DIP2A: variants seen among roughly 807,000 people sequenced by gnomAD.
DIP2A encodes disco-interacting protein 2 homolog A.
A neutral mutation model predicts 177.4 loss-of-function variants in DIP2A; 85 were observed. That is an observed-to-expected ratio of 0.48 (90% confidence interval 0.40 to 0.57). The LOEUF (loss-of-function observed/expected upper bound fraction) is 0.57, where lower values mean the gene tolerates loss of function less well. Ranked by LOEUF, DIP2A falls within the 20% of genes least tolerant of loss-of-function variation. The pLI is 0.00. For missense variants in DIP2A, 1,791 were observed against 2,100.2 expected (o/e 0.85, Z 2.88); for synonymous variants, 886 against 881.8 (o/e 1.00, Z -0.08).
rs1162872343 is a variant in DIP2A at position 46,528,527 on chromosome 21, C to CTTTT, written c.1103-527_1103-524dup. On this transcript the variant is annotated intron_variant, in intron 8 of 37. Transcript: ENST00000417564. ...ACCAAATACTGACTTTTTCTGCTTG[C>CTTTT]TTTTTTTTTTTTTTTTTTTTTTTTT... Among the ~76,000 whole-genome samples, 49 of 29,350 alleles carry CTTTT rather than the reference C, an allele frequency of 1.7e-3. 2 individuals are homozygous for CTTTT. The highest frequency in any genetic ancestry group is 3.1e-3 in the East Asian group (2 of 638). 19.3% of individuals were successfully genotyped at this position (29,350 alleles called of 152,430 possible).
Position 46,490,659 on chromosome 21 carries a change from G to C in DIP2A, c.223G>C (p.Ala75Pro), listed in dbSNP as rs367792687. The C allele has an allele frequency of 2.5e-6, 4 of 1,589,796 alleles. No homozygotes were observed. Among genetic ancestry groups the C allele is most frequent in the Non-Finnish European group, 3.4e-6 (4 of 1,168,140 alleles). ...RIPGPSQTTA[A>P]APKQQKSRPT... is the part of the protein sequence containing the mutation. ...TCCTGGGCCCTCACAAACCACGGCC[G>C]CTGCACCCAAGCAGCAGAAGTCTCG... is the stretch of plus-strand genomic sequence containing the variant. The change falls in exon 3 of 38, where the codon GCT becomes CCT. Residue 75 changes from alanine to proline, a missense_variant. Ala to Pro is a conservative substitution (Grantham distance 27, BLOSUM62 -1). Transcript: ENST00000417564.
Position 46,466,718 on chromosome 21 carries a change from A to T in DIP2A, c.91+7496A>T, listed in dbSNP as rs564832118. On this transcript the variant is annotated intron_variant, in intron 1 of 37. Coordinates refer to ENST00000417564, the MANE Select transcript of DIP2A (RefSeq NM_015151.4). The stretch of plus-strand genomic sequence containing the variant: ...GTATCAAGGAAGAATGTCCACAGTG[A>T]TCTGAAAAGGCTGCTGAGACACCCC... Among the ~76,000 whole-genome samples the T allele has an allele frequency of 1.2e-4, 18 of 151,944 alleles. 1 individual carries two copies. In the East Asian group the frequency reaches 3.5e-3, roughly 29 times the overall value.
intron 32 of DIP2A, 118 bp downstream of exon 32, chr21:46,558,511 C>T (rs2060553221): frequency 4.2e-6 from 4 of 959,790 alleles, no homozygotes; most frequent in Non-Finnish European, 6.3e-6. Flanking sequence ...TTCTCTGGGC[C>T]TTTGATATCT....
intron 10 of DIP2A, 133 bp downstream of exon 10, chr21:46,532,370 A>G (rs769350208): frequency 2.4e-5 from 17 of 710,224 alleles, no homozygotes; most frequent in Non-Finnish European, 3.5e-5. Flanking sequence ...CTAGTAGTCA[A>G]CAGGCTGGCC....
At chr21:46,565,618 T>C (rs2060811961) in intron 35 of DIP2A, 95 bp from the exon 36 acceptor site, 1 of 1,301,730 alleles carries the variant, frequency 7.7e-7, no homozygotes. Flanking sequence ...TTCAGTGTTT[T>C]CTGGAGCATT....
chr21:46,489,540 G>A (rs953545409), intron 2 of DIP2A, among the ~76,000 whole-genome samples: 3 of 152,136 alleles, frequency 2.0e-5, no homozygotes, highest in Admixed American at 6.5e-5. Context: ...AGGTAGAGCC[G>A]TGTCGCCTTT....
At chr21:46,551,023 C>CT (rs1247089407) in intron 23 of DIP2A, among the ~76,000 whole-genome samples, 1 of 152,194 alleles carries the variant, frequency 6.6e-6, no homozygotes, top group African/African-American at 2.4e-5. Context: ...GGCATCTTAG[C>CT]TTTGCATGGC....
chr21:46,546,005 A>AG (rs746748740), intron 20 of DIP2A, 44 bp downstream of exon 20: 28 of 1,613,442 alleles, frequency 1.7e-5, no homozygotes, highest in Non-Finnish European at 2.3e-5. Context: ...CAGAGAAGGT[A>AG]GGGGGTGTGG....
chr21:46,549,601 G>A (rs572663734), intron 21 of DIP2A, among the ~76,000 whole-genome samples, 170 bp from the exon 22 acceptor site: 2 of 152,082 alleles, frequency 1.3e-5, no homozygotes, highest in Non-Finnish European at 2.9e-5. Flanking sequence ...AACCATCCTC[G>A]AGGAGATTAG....
rs553447348 is a variant in DIP2A, at chr21:46,494,193, G to A, written c.284-2795G>A. Reference sequence around the variant, plus strand: ...GGCTTCTAAGGAACAAGTTTATTTGGACCCAGGATTCAAATAAGAGCTACA... The same window carrying A: ...GGCTTCTAAGGAACAAGTTTATTTGAACCCAGGATTCAAATAAGAGCTACA... On this transcript the variant is annotated intron_variant, in intron 3 of 37. Transcript: ENST00000417564. 5.9e-5 allele frequency among the ~76,000 whole-genome samples: 9 copies of A among 152,112 alleles called. No individual in the cohort carries two copies. The South Asian group carries it at 1.9e-3, about 32-fold the overall frequency.
In DIP2A at chr21:46,509,309, C is replaced by T. The variant is rs764648249; in HGVS notation, c.837C>T (p.Thr279=). The T allele has an allele frequency of 6.2e-7, 1 of 1,613,630 alleles. No homozygotes were observed. Among genetic ancestry groups the T allele is most frequent in the Non-Finnish European group, 8.5e-7 (1 of 1,179,726 alleles). The change falls in exon 7 of 38, where the codon ACC becomes ACT. Residue 279 remains threonine (T), a synonymous_variant. Transcript: ENST00000417564. The part of the protein sequence containing the change: ...VSSKIQQLLN[T]LKRPKRPPLK... ...CCAAAATCCAGCAGCTTCTGAACAC[C>T]CTGAAGAGGCCAAAGCGCCCTCCAC... is the stretch of plus-strand genomic sequence containing the variant.
At chr21:46,574,590 AAGAC>A (rs1212244579), downstream of DIP2A, among the ~76,000 whole-genome samples, 1 of 152,140 alleles carries the variant, frequency 6.6e-6, no homozygotes, top group Non-Finnish European at 1.5e-5. Context: ...AGAAAAAAAG[AAGAC>A]AGATTACTAA....
intron 8 of DIP2A, among the ~76,000 whole-genome samples, chr21:46,516,416 TTA>T (rs1394364147): frequency 6.6e-6 from 1 of 151,614 alleles, no homozygotes; most frequent in African/African-American, 2.4e-5. Context: ...GCATTCTTTC[TTA>T]TATATACTTC....
intron 35 of DIP2A, among the ~76,000 whole-genome samples, chr21:46,565,257 T>G (rs1227505289): frequency 6.6e-6 from 1 of 152,232 alleles, no homozygotes; most frequent in African/African-American, 2.4e-5. Flanking sequence ...CGCGTGGGGC[T>G]GACGTTAACC....
At position 46,498,945 on chromosome 21, in the gene DIP2A, T is replaced by C. The variant is rs2057507488; in HGVS notation, c.655+112T>C. ...CCAGGCGCCACCCTGCAGACTTAGC[T>C]GCAGGCCTGAGTGCTCTCCAAGTGA... On this transcript the variant is annotated intron_variant, in intron 5 of 37. Coordinates refer to ENST00000417564, the MANE Select transcript of DIP2A (RefSeq NM_015151.4). The surrounding 1 kb of genome is among the most constrained non-coding windows in gnomAD (Gnocchi z 4.3). The C allele has an allele frequency of 7.2e-7, 1 of 1,392,580 alleles. No homozygotes were observed. The highest frequency in any genetic ancestry group is 9.5e-7 in the Non-Finnish European group (1 of 1,053,288). The allele number at this position is 1,392,580 out of a possible 1,614,324, so 86.3% of individuals were successfully genotyped here. A position where few individuals can be genotyped will look rare whatever the true frequency, so the allele number is the denominator to read the frequency against.
At chr21:46,517,588 C>T (rs2058644172) in intron 8 of DIP2A, among the ~76,000 whole-genome samples, 1 of 152,192 alleles carries the variant, frequency 6.6e-6, no homozygotes, top group Non-Finnish European at 1.5e-5. Flanking sequence ...TGTCTCTTTC[C>T]TCTGATGGCT....
At chr21:46,462,965 C>T (rs1475945458) in intron 1 of DIP2A, 2 of 152,178 alleles carry the variant, frequency 1.3e-5, no homozygotes, top group African/African-American at 2.4e-5. Context: ...TTCCATAGGG[C>T]AAGTTTGCTG....
At chr21:46,475,974 G>A (rs923372928) in intron 1 of DIP2A, among the ~76,000 whole-genome samples, 6 of 151,984 alleles carry the variant, frequency 3.9e-5, no homozygotes, top group Admixed American at 2.0e-4. Flanking sequence ...AGTGGCTCAC[G>A]CCTGTAATCC....
In DIP2A at chr21:46,569,420, A is replaced by G. The variant is rs188331625; in HGVS notation, c.*1798A>G. ...AGAATCTATGTAACTTATTGTTGAC[A>G]TACAGAGGTTTGGGAAGTAGTCTAA... is the stretch of plus-strand genomic sequence containing the variant. On this transcript the variant is annotated 3_prime_UTR_variant, in exon 38 of 38. Coordinates refer to ENST00000417564, the MANE Select transcript of DIP2A (RefSeq NM_015151.4). The G allele has an allele frequency of 6.6e-6, 1 of 152,222 alleles. No individual in the cohort carries two copies. Among genetic ancestry groups the G allele is most frequent in the Admixed American group, 6.5e-5 (1 of 15,288 alleles). The allele number at this position is 152,222 out of a possible 1,614,324, so 9.4% of individuals were successfully genotyped here.
Sources: allele counts gnomAD v4.1 joint callset (sites outside exome capture counted in the v4.1 genomes callset), GRCh38; gene constraint gnomAD v4.1.1; non-coding constraint Gnocchi (gnomAD v3.1); transcripts MANE v1.5; gene names NCBI Gene and HGNC (gene_info 2026-07-23, HGNC 2026-07-21).